Variants in CDH12 observed in about 807,000 individuals in gnomAD.
The protein encoded by CDH12 is cadherin-12.
A neutral mutation model predicts 74.1 loss-of-function variants in CDH12; 41 were observed. The observed-to-expected ratio is 0.55, with a 90% CI of 0.43 to 0.72. The LOEUF is 0.72. CDH12 is among the 30% of genes least tolerant of loss of function. The pLI is 0.00. For missense variants in CDH12, 945 were observed against 977.2 expected (o/e 0.97, Z 0.44); for synonymous variants, 399 against 355.0 (o/e 1.12, Z -1.39).
At chr5:22,351,725 T>C (rs1194413858) in intron 3 of CDH12, among the ~76,000 whole-genome samples, 1 of 152,210 alleles carries the variant, frequency 6.6e-6, no homozygotes, top group Non-Finnish European at 1.5e-5. Context: ...CAAATTATAT[T>C]TTTCAATATT....
chr5:22,671,724 C>T (rs1415444288), intron 1 of CDH12, among the ~76,000 whole-genome samples: 2 of 151,896 alleles, frequency 1.3e-5, no homozygotes, highest in African/African-American at 4.8e-5. Context: ...GCCATGCAGC[C>T]ACATCAACAT....
At chr5:22,676,995 T>C (rs749933974) in intron 1 of CDH12, among the ~76,000 whole-genome samples, 10 of 152,192 alleles carry the variant, frequency 6.6e-5, no homozygotes, top group Non-Finnish European at 1.0e-4. Flanking sequence ...TATCTTAGTT[T>C]CTTCTACTTT....
At chr5:22,359,762 C>T (rs887773271) in intron 3 of CDH12, among the ~76,000 whole-genome samples, 16 of 152,222 alleles carry the variant, frequency 1.1e-4, no homozygotes, top group Middle Eastern at 3.4e-3. Context: ...AACTAGAACT[C>T]AGGATTTAGA....
intron 5 of CDH12, among the ~76,000 whole-genome samples, chr5:22,074,804 G>A (rs1396096198): frequency 1.3e-5 from 2 of 152,196 alleles, no homozygotes; most frequent in East Asian, 3.9e-4. Context: ...AAAAAGTCAG[G>A]AAACAACAGG....
At chr5:22,400,889 C>T (rs1742700833) in intron 3 of CDH12, among the ~76,000 whole-genome samples, 1 of 151,874 alleles carries the variant, frequency 6.6e-6, no homozygotes, top group Admixed American at 6.6e-5. Flanking sequence ...TGTTGGATTC[C>T]CCAACTTGGA....
At chr5:22,140,491 T>C (rs1279000098) in intron 4 of CDH12, among the ~76,000 whole-genome samples, 1 of 152,132 alleles carries the variant, frequency 6.6e-6, no homozygotes. Context: ...TGTATATTTG[T>C]ATGTGTTTTT....
chr5:22,067,747 T>A (rs1034931481), intron 5 of CDH12, among the ~76,000 whole-genome samples: 1 of 152,082 alleles, frequency 6.6e-6, no homozygotes, highest in African/African-American at 2.4e-5. Context: ...ATATGAAGTA[T>A]CCTTCAAAAG....
At chr5:22,819,960 C>A (rs190697315) in intron 1 of CDH12, among the ~76,000 whole-genome samples, 1 of 138,956 alleles carries the variant, frequency 7.2e-6, no homozygotes, top group Non-Finnish European at 1.6e-5. Flanking sequence ...TATATATATA[C>A]ACATATATAT....
intron 1 of CDH12, among the ~76,000 whole-genome samples, chr5:22,633,647 G>A (rs2126860118): frequency 6.6e-6 from 1 of 152,160 alleles, no homozygotes; most frequent in East Asian, 1.9e-4. Context: ...TGGCCAGACT[G>A]TTTGAGGTAT....
chr5:22,577,373 T>C (rs1739848888), intron 1 of CDH12, among the ~76,000 whole-genome samples: 1 of 152,244 alleles, frequency 6.6e-6, no homozygotes, highest in Non-Finnish European at 1.5e-5. Flanking sequence ...TTTTCTTTTT[T>C]TTTCTGAATA....
chr5:22,703,434 ATTTGTTTTTTG>A (rs1185351440), intron 1 of CDH12, among the ~76,000 whole-genome samples: 1 of 152,146 alleles, frequency 6.6e-6, no homozygotes, highest in Non-Finnish European at 1.5e-5. Context: ...TTTTAAGTGA[ATTTGTTTTTTG>A]AATCTTTGTT....
intron 1 of CDH12, among the ~76,000 whole-genome samples, chr5:22,546,330 T>A (rs1384927973): frequency 2.0e-5 from 3 of 152,294 alleles, no homozygotes; most frequent in Middle Eastern, 6.8e-3. Context: ...GAAATAAAAA[T>A]GCTGATTAAT....
At chr5:22,703,450 T>G (rs546740015) in intron 1 of CDH12, among the ~76,000 whole-genome samples, 1 of 152,322 alleles carries the variant, frequency 6.6e-6, no homozygotes, top group African/African-American at 2.4e-5. Context: ...TTTTTGAATC[T>G]TTGTTAATAT....
At chr5:21,788,959 T>G (rs1406381111) in intron 10 of CDH12, among the ~76,000 whole-genome samples, 1 of 152,012 alleles carries the variant, frequency 6.6e-6, no homozygotes, top group African/African-American at 2.4e-5. Flanking sequence ...TTTTGTGTAT[T>G]TCTTCTCTAC....
chr5:22,203,553 T>C (rs1751038313), intron 4 of CDH12, among the ~76,000 whole-genome samples: 1 of 152,204 alleles, frequency 6.6e-6, no homozygotes. Flanking sequence ...CTGCAATAAA[T>C]ATGGGAGTGC....
intron 6 of CDH12, among the ~76,000 whole-genome samples, chr5:21,912,047 T>G (rs1753881779): frequency 6.6e-6 from 1 of 152,094 alleles, no homozygotes; most frequent in Non-Finnish European, 1.5e-5. Flanking sequence ...TGTTTGTGTG[T>G]TTTACAGTTC....
intron 2 of CDH12, among the ~76,000 whole-genome samples, chr5:22,433,988 T>C (rs921885407): frequency 1.3e-5 from 2 of 152,204 alleles, no homozygotes; most frequent in African/African-American, 4.8e-5. Context: ...GTAAGTTTTC[T>C]GAGTCGTTCT....
chr5:21,829,885 CTA>C (rs1335771882), intron 8 of CDH12, among the ~76,000 whole-genome samples: 1 of 152,014 alleles, frequency 6.6e-6, no homozygotes, highest in Non-Finnish European at 1.5e-5. Context: ...TTGATCACTT[CTA>C]TGTTTTTGTC....
intron 4 of CDH12, among the ~76,000 whole-genome samples, chr5:22,156,588 G>A (rs922427423): frequency 2.6e-5 from 4 of 152,054 alleles, no homozygotes; most frequent in Admixed American, 2.6e-4. Context: ...TTTAGCTAAA[G>A]AAGGAAGGTG....
Sources: allele counts gnomAD v4.1 joint callset (sites outside exome capture counted in the v4.1 genomes callset), GRCh38; gene constraint gnomAD v4.1.1; transcripts MANE v1.5; gene names NCBI Gene and HGNC (gene_info 2026-07-23, HGNC 2026-07-21).